CC2D2A: variants seen among roughly 807,000 people sequenced by gnomAD.
CC2D2A encodes coiled-coil and C2 domain-containing protein 2A.
CC2D2A carries 155 observed loss-of-function variants against 212.9 expected under a neutral mutation model. That is an observed-to-expected ratio of 0.73 (90% confidence interval 0.64 to 0.83). The LOEUF is 0.83. Among genes scored for constraint, CC2D2A ranks in the 40% least tolerant of loss-of-function variants. The pLI is 0.00. For missense variants in CC2D2A, 1,856 were observed against 1,956.2 expected (o/e 0.95, Z 0.97); for synonymous variants, 667 against 686.5 (o/e 0.97, Z 0.44).
intron 14 of CC2D2A, among the ~76,000 whole-genome samples, chr4:15,536,401 T>C (rs1044546195): frequency 2.9e-4 from 44 of 152,318 alleles, no homozygotes; most frequent in African/African-American, 1.0e-3. Context: ...GGCACATGTA[T>C]ACCTATGTAT....
intron 11 of CC2D2A, among the ~76,000 whole-genome samples, chr4:15,517,712 T>C (rs935790796): frequency 1.3e-5 from 2 of 152,210 alleles, no homozygotes; most frequent in Non-Finnish European, 2.9e-5. Flanking sequence ...TGCTCTTGCT[T>C]TCCTGGGTGT....
chr4:15,500,127 AT>A, intron 4 of CC2D2A, among the ~76,000 whole-genome samples: 1 of 146,170 alleles, frequency 6.8e-6, no homozygotes, highest in East Asian at 2.0e-4. Flanking sequence ...ATATATATAT[AT>A]ATATGTATTT....
chr4:15,524,317 G>C (rs1300230963), intron 11 of CC2D2A, among the ~76,000 whole-genome samples: 1 of 151,948 alleles, frequency 6.6e-6, no homozygotes, highest in Non-Finnish European at 1.5e-5. Flanking sequence ...ATTTTTAGTA[G>C]AGACGGGATT....
chr4:15,578,547 T>C (rs1489680140), intron 29 of CC2D2A, among the ~76,000 whole-genome samples: 2 of 152,234 alleles, frequency 1.3e-5, no homozygotes, highest in Non-Finnish European at 2.9e-5. Flanking sequence ...TCAGGAATCT[T>C]ACTTTGTGGG....
At chr4:15,589,345 C>A (rs1720990035) in intron 32 of CC2D2A, among the ~76,000 whole-genome samples, 200 bp from the exon 33 acceptor site, 1 of 152,030 alleles carries the variant, frequency 6.6e-6, no homozygotes, top group Admixed American at 6.6e-5. Flanking sequence ...GTATCAGATG[C>A]AAGAATTTTG....
At position 15,564,773 on chromosome 4, in the gene CC2D2A, G is replaced by C. The variant is rs1719806908; in HGVS notation, c.3182+1251G>C. Among the ~76,000 whole-genome samples, 5 of 151,970 alleles carry C rather than the reference G, an allele frequency of 3.3e-5. No homozygotes were observed. The South Asian group carries it at 1.0e-3, about 32-fold the overall frequency. On this transcript the variant is annotated intron_variant, in intron 24 of 36. Transcript: ENST00000424120. The stretch of plus-strand genomic sequence containing the variant: ...GCTCACTGCAACCTCGACCTCCTGG[G>C]CTCAAGTGATCCTCCCATCTCAGCT...
At position 15,527,431 on chromosome 4, in the gene CC2D2A, C is replaced by CT. The variant is rs772993372; in HGVS notation, c.1150-15dup. On this transcript the variant is annotated splice_polypyrimidine_tract_variant and intron_variant, in intron 11 of 36. Transcript: ENST00000424120. The stretch of plus-strand genomic sequence containing the variant: ...GCTTTAACTGTGTTCTGTCTACACT[C>CT]TGCTTTCCTTGGCAGGCTGTAAAAT... 1.1e-5 allele frequency: 18 copies of CT among 1,598,708 alleles called. No individual in the cohort carries two copies. The highest frequency in any genetic ancestry group is 1.5e-5 in the Non-Finnish European group (17 of 1,168,702).
intron 15 of CC2D2A, among the ~76,000 whole-genome samples, 186 bp from the exon 16 acceptor site, chr4:15,537,713 C>A (rs1411485966): frequency 3.3e-5 from 5 of 152,118 alleles, no homozygotes; most frequent in Admixed American, 6.5e-5. Flanking sequence ...ATTTCCTGGG[C>A]TCCATTCTGT....
chr4:15,534,155 C>T (rs1190490927), intron 14 of CC2D2A, among the ~76,000 whole-genome samples: 5 of 152,108 alleles, frequency 3.3e-5, no homozygotes, highest in African/African-American at 1.2e-4. Context: ...GCTTTGGTCA[C>T]TTTTTGGACT....
intron 4 of CC2D2A, chr4:15,482,397 A>G (rs1714733973): frequency 2.9e-5 from 20 of 688,666 alleles, no homozygotes; most frequent in Non-Finnish European, 3.6e-5. Context: ...TTATTTTCTC[A>G]TGGCTCTGAA....
chr4:15,514,908 C>T (rs375989973), intron 9 of CC2D2A, 39 bp downstream of exon 9: 92 of 1,579,424 alleles, frequency 5.8e-5, no homozygotes, highest in African/African-American at 3.8e-4. Context: ...GCTTAGACAT[C>T]GTCACTTACC....
chr4:15,595,897 C>CA (rs1160811822), intron 33 of CC2D2A, 188 bp from the exon 34 acceptor site: 2 of 398,916 alleles, frequency 5.0e-6, no homozygotes, highest in Non-Finnish European at 4.4e-6. Flanking sequence ...TGGCCAATGA[C>CA]AACTCTATGA....
At chr4:15,542,399 A>C (rs1718501584) in intron 17 of CC2D2A, among the ~76,000 whole-genome samples, 1 of 152,094 alleles carries the variant, frequency 6.6e-6, no homozygotes, top group South Asian at 2.1e-4. Context: ...CCAGGCAGAA[A>C]TCACAGATCC....
intron 1 of CC2D2A, chr4:15,473,284 T>C (rs1041007408): frequency 2.6e-5 from 4 of 152,198 alleles, no homozygotes; most frequent in African/African-American, 9.7e-5. Context: ...TGGTAATAAG[T>C]ACTGTGAAAA....
chr4:15,486,537 G>T (rs971893610), intron 4 of CC2D2A, among the ~76,000 whole-genome samples: 2 of 151,762 alleles, frequency 1.3e-5, no homozygotes, highest in African/African-American at 4.8e-5. Context: ...TTTTATTTCT[G>T]TGGGTCTTCT....
chr4:15,480,762 A>T lies in CC2D2A; in HGVS notation c.182A>T (p.Gln61Leu), dbSNP rs1033352936. Residue 61 changes from glutamine (Q) to leucine (L), a missense_variant, in exon 4 of 37, where the codon CAG becomes CTG. Physicochemically the swap from Gln to Leu is moderately radical, Grantham distance 113 (BLOSUM62 -2). Around this residue, in one of 5 missense-constraint regions of CC2D2A, gnomAD observed 1,512 missense variants for 1,579.3 expected, o/e 0.96. Transcript: ENST00000424120. ...VSEKSHLGNP[Q>L]EPVQEEPKTR... ...GAAAAATCCCACCTTGGCAACCCCC[A>T]GGAGCCTGTGCAGGAGGAGCCCAAG... 1.2e-6 allele frequency: 2 copies of T among 1,613,164 alleles called. No homozygotes were observed. The highest frequency in any genetic ancestry group is 1.7e-6 in the Non-Finnish European group (2 of 1,179,570).
intron 31 of CC2D2A, 71 bp from the exon 32 acceptor site, chr4:15,587,745 T>C (rs1720914491): frequency 2.5e-6 from 2 of 814,958 alleles, no homozygotes; most frequent in Non-Finnish European, 2.1e-6. Flanking sequence ...TATGACATAT[T>C]AGAATCCTGC....
intron 13 of CC2D2A, among the ~76,000 whole-genome samples, chr4:15,529,892 ATTTT>A (rs150650398): frequency 4.2e-5 from 6 of 142,972 alleles, no homozygotes; most frequent in Non-Finnish European, 9.2e-5. Flanking sequence ...TTTAAATTTT[ATTTT>A]TTTTAATTTT....
chr4:15,549,914 A>T (rs1192782399), intron 17 of CC2D2A, among the ~76,000 whole-genome samples: 10 of 152,188 alleles, frequency 6.6e-5, no homozygotes, highest in Non-Finnish European at 1.5e-5. Context: ...CTAGTGGGGG[A>T]CTATTACATA....
Sources: gnomAD v4.1 joint callset for allele counts (sites outside exome capture counted in the v4.1 genomes callset) on GRCh38, gnomAD v4.1.1 for gene constraint, gnomAD v4.1.1 regional missense constraint, MANE v1.5 for transcripts, NCBI Gene and HGNC (gene_info 2026-07-23, HGNC 2026-07-21) for gene names.